RIMBP2: variants seen among roughly 807,000 people sequenced by gnomAD.
RIMBP2 encodes RIMS binding protein 2, also known as RIMS-binding protein 2.
In RIMBP2, 48 loss-of-function variants were observed where a neutral mutation model predicts 118.6. That is an observed-to-expected ratio of 0.40 (90% CI 0.32 to 0.51). The LOEUF is 0.51. Among genes scored for constraint, RIMBP2 ranks in the 20% least tolerant of loss-of-function variants. The pLI is 0.41. For missense variants in RIMBP2, 1,551 were observed against 1,768.3 expected (o/e 0.88, Z 2.20); for synonymous variants, 762 against 742.9 (o/e 1.03, Z -0.42).
chr12:130,484,378 C>T (rs1353247673), intron 4 of RIMBP2, among the ~76,000 whole-genome samples: 5 of 152,258 alleles, frequency 3.3e-5, no homozygotes, highest in Non-Finnish European at 2.9e-5. Flanking sequence ...TAGCCTGACT[C>T]TCACGTTCCA....
intron 18 of RIMBP2, among the ~76,000 whole-genome samples, chr12:130,413,301 A>G (rs994322964): frequency 6.6e-6 from 1 of 151,916 alleles, no homozygotes; most frequent in African/African-American, 2.4e-5. Context: ...TGAACAGCAC[A>G]CTTTCTCTCA....
intron 1 of RIMBP2, among the ~76,000 whole-genome samples, chr12:130,685,266 G>A (rs573163255): frequency 1.1e-4 from 16 of 152,210 alleles, no homozygotes; most frequent in African/African-American, 3.4e-4. Context: ...AGATGGTGGA[G>A]ATGTTCCTTT....
At chr12:130,471,152 G>A (rs1056388197) in intron 5 of RIMBP2, among the ~76,000 whole-genome samples, 7 of 152,332 alleles carry the variant, frequency 4.6e-5, no homozygotes, top group South Asian at 4.1e-4. Context: ...AGGAGGGGCC[G>A]GGGCTGGGTC....
intron 1 of RIMBP2, among the ~76,000 whole-genome samples, chr12:130,646,255 TTCCCTCTCCACCTGCCTCACCACC>T: frequency 2.2e-4 from 2 of 9,088 alleles, no homozygotes; most frequent in African/African-American, 9.8e-4. Flanking sequence ...CCCTCACCAC[TTCCCTCTCCACCTGCCTCACCACC>T]TCCCTCACCA....
intron 15 of RIMBP2, chr12:130,427,873 G>A (rs1447615710): frequency 3.8e-6 from 1 of 263,422 alleles, no homozygotes; most frequent in Non-Finnish European, 7.1e-6. Flanking sequence ...TAAGGCTGTG[G>A]AGGGGGTTCT....
At chr12:130,651,324 G>A (rs1289053253) in intron 1 of RIMBP2, 1 of 152,266 alleles carries the variant, frequency 6.6e-6, no homozygotes, top group African/African-American at 2.4e-5. Context: ...CATTGTTAGA[G>A]GGGAACGTAA....
chr12:130,694,640 C>G (rs1338791228), intron 1 of RIMBP2, among the ~76,000 whole-genome samples: 1 of 152,220 alleles, frequency 6.6e-6, no homozygotes, highest in Non-Finnish European at 1.5e-5. Flanking sequence ...CATCCTTCTT[C>G]TCTGCATGGA....
chr12:130,564,257 C>T (rs1368338098), intron 2 of RIMBP2, among the ~76,000 whole-genome samples: 4 of 152,214 alleles, frequency 2.6e-5, no homozygotes, highest in Non-Finnish European at 5.9e-5. Flanking sequence ...TCCGACGCCA[C>T]CCTGACCACC....
chr12:130,478,850 G>A, intron 5 of RIMBP2, 62 bp downstream of exon 5: 2 of 1,267,958 alleles, frequency 1.6e-6, no homozygotes, highest in Non-Finnish European at 2.3e-6. Flanking sequence ...CCACACCAGG[G>A]ATCCCCGGCC....
At chr12:130,572,459 C>T (rs971325140) in intron 2 of RIMBP2, among the ~76,000 whole-genome samples, 1 of 152,046 alleles carries the variant, frequency 6.6e-6, no homozygotes, top group Admixed American at 6.6e-5. Flanking sequence ...GCTCCCTGGG[C>T]CTGACGGTGG....
intron 2 of RIMBP2, among the ~76,000 whole-genome samples, chr12:130,559,631 T>C (rs79911072): frequency 0.017 from 2,585 of 152,344 alleles, 58 homozygotes; most frequent in African/African-American, 0.056. Flanking sequence ...AAAAACACGA[T>C]TCCCATTTGT....
At chr12:130,438,236 G>T in intron 12 of RIMBP2, 129 bp downstream of exon 12, 2 of 1,016,868 alleles carry the variant, frequency 2.0e-6, no homozygotes, top group Non-Finnish European at 2.9e-6. Flanking sequence ...GAGTCTTCGG[G>T]GTTGAGGGTG....
At chr12:130,484,430 G>A (rs997535263) in intron 4 of RIMBP2, among the ~76,000 whole-genome samples, 1 of 152,144 alleles carries the variant, frequency 6.6e-6, no homozygotes, top group Non-Finnish European at 1.5e-5. Flanking sequence ...CCTGGTGGCC[G>A]CCCGGCCCCT....
chr12:130,415,915 T>C (rs1472977670), intron 17 of RIMBP2, among the ~76,000 whole-genome samples: 1 of 151,998 alleles, frequency 6.6e-6, no homozygotes, highest in African/African-American at 2.4e-5. Flanking sequence ...AATAAATTGT[T>C]CAAGCTGAGA....
intron 7 of RIMBP2, among the ~76,000 whole-genome samples, chr12:130,454,200 G>A (rs2079225864): frequency 2.6e-5 from 4 of 152,232 alleles, no homozygotes; most frequent in Admixed American, 2.6e-4. Context: ...CTTGGCTGTG[G>A]TGATTATTTC....
At chr12:130,559,456 T>C (rs571321986) in intron 2 of RIMBP2, among the ~76,000 whole-genome samples, 13 of 152,320 alleles carry the variant, frequency 8.5e-5, no homozygotes, top group Admixed American at 2.6e-4. Context: ...TAGCATAGTG[T>C]CTCCCAGGTT....
In RIMBP2 at chr12:130,578,978, T is replaced by C. The variant is rs1209323785; in HGVS notation, c.-217+49344A>G. On this transcript the variant is annotated intron_variant, in intron 2 of 22. Transcript: ENST00000690449. This position sits in a 1 kb window ranked among gnomAD's most constrained non-coding sequence, Gnocchi z 4.1. ...AAAAAAGATGAGAAGTTGTCTCACA[T>C]CCATTGGTTCAGATTTCAAGGACAA... 6.6e-6 allele frequency among the ~76,000 whole-genome samples: 1 copy of C among 152,204 alleles called. No homozygotes were observed. The highest frequency in any genetic ancestry group is 1.5e-5 in the Non-Finnish European group (1 of 68,044).
chr12:130,671,673 G>A (rs11061073), intron 1 of RIMBP2, among the ~76,000 whole-genome samples: 30,520 of 151,874 alleles, frequency 0.2, 3,493 homozygotes, highest in East Asian at 0.29. Flanking sequence ...TTGCAGCACC[G>A]CTGGCTTCTA....
chr12:130,644,981 CTG>C (rs1327946770), intron 1 of RIMBP2, among the ~76,000 whole-genome samples: 20 of 152,224 alleles, frequency 1.3e-4, no homozygotes, highest in Admixed American at 7.2e-4. Flanking sequence ...GTCTCTCAAA[CTG>C]TGAAATACTC....
Sources: allele counts gnomAD v4.1 joint callset (sites outside exome capture counted in the v4.1 genomes callset), GRCh38; gene constraint gnomAD v4.1.1; non-coding constraint Gnocchi (gnomAD v3.1); transcripts MANE v1.5; gene names NCBI Gene and HGNC (gene_info 2026-07-23, HGNC 2026-07-21).